EXOC4: variants seen among roughly 807,000 people sequenced by gnomAD.
EXOC4 encodes exocyst complex component 4.
EXOC4 carries 71 observed loss-of-function variants against 107.2 expected under a neutral mutation model. The ratio of observed to expected loss-of-function variants is 0.66; its 90% CI spans 0.55 to 0.81. The LOEUF (loss-of-function observed/expected upper bound fraction) is 0.81. Ranked by LOEUF, EXOC4 falls within the 30% of genes least tolerant of loss-of-function variation. The pLI is 0.00. For synonymous variants in EXOC4, 456 were observed against 441.2 expected (o/e 1.03, Z -0.42); for missense variants, 1,108 against 1,189.6 (o/e 0.93, Z 1.01).
In EXOC4 at chr7:133,896,844, T is replaced by TTTTTTTTTTTTTTTTTTTTG. The variant is rs1198817578; in HGVS notation, c.1871+1109_1871+1110insTTTTTTTTTTTTTTTTTTTG. ...CCATGTCTGGCTATTTTTGTATTTT[T>TTTTTTTTTTTTTTTTTTTTG]AGTAGAGATGGGGTTTCACCATGTT... is the stretch of plus-strand genomic sequence containing the variant. On this transcript the variant is annotated intron_variant, in intron 12 of 17. Coordinates refer to ENST00000253861, the MANE Select transcript of EXOC4 (RefSeq NM_021807.4). Among the ~76,000 whole-genome samples, 72 of 87,648 alleles carry TTTTTTTTTTTTTTTTTTTTG rather than the reference T, an allele frequency of 8.2e-4. 5 individuals carry two copies. Among genetic ancestry groups the TTTTTTTTTTTTTTTTTTTTG allele is most frequent in the Middle Eastern group, 5.7e-3 (1 of 174 alleles). The allele number at this position is 87,648 out of a possible 152,430, so 57.5% of individuals were successfully genotyped here.
intron 10 of EXOC4, among the ~76,000 whole-genome samples, chr7:133,669,703 A>T (rs1024930401): frequency 2.6e-5 from 4 of 152,210 alleles, no homozygotes; most frequent in Non-Finnish European, 5.9e-5. Context: ...ATTTGGGGTA[A>T]GAGATGGTGT....
At chr7:134,034,271 AGAG>A (rs1405409568) in intron 17 of EXOC4, among the ~76,000 whole-genome samples, 2 of 152,350 alleles carry the variant, frequency 1.3e-5, no homozygotes, top group East Asian at 1.9e-4. Context: ...AAGTAGTACA[AGAG>A]AAAGGAAAGG....
intron 3 of EXOC4, among the ~76,000 whole-genome samples, chr7:133,300,484 G>A (rs1481117751): frequency 1.3e-5 from 2 of 152,006 alleles, no homozygotes; most frequent in African/African-American, 2.4e-5. Flanking sequence ...TCCCTTTCAC[G>A]TCCCATACTC....
At chr7:133,628,738 C>T (rs1422013171) in intron 9 of EXOC4, among the ~76,000 whole-genome samples, 1 of 152,158 alleles carries the variant, frequency 6.6e-6, no homozygotes, top group African/African-American at 2.4e-5. Flanking sequence ...TTGGGTTACT[C>T]CTTGCACCAT....
chr7:133,565,465 A>T (rs1179518823), intron 9 of EXOC4, among the ~76,000 whole-genome samples: 1 of 152,174 alleles, frequency 6.6e-6, no homozygotes, highest in African/African-American at 2.4e-5. Flanking sequence ...GAGGCCCCAG[A>T]GTTGTTTAGA....
At chr7:133,584,513 C>T (rs775916301) in intron 9 of EXOC4, among the ~76,000 whole-genome samples, 3 of 147,112 alleles carry the variant, frequency 2.0e-5, no homozygotes, top group African/African-American at 7.5e-5. Flanking sequence ...TAGATCTGCC[C>T]TTTCTTATTT....
In EXOC4 at chr7:134,058,657, T is replaced by C. The variant is rs530297017; in HGVS notation, c.2688-5634T>C. 5.7e-4 allele frequency among the ~76,000 whole-genome samples: 51 copies of C among 88,738 alleles called. No homozygotes were observed. In the East Asian group the frequency reaches 0.02, roughly 35 times the overall value. 58.2% of individuals were successfully genotyped at this position (88,738 alleles called of 152,430 possible). A position where few individuals can be genotyped will look rare whatever the true frequency, so the allele number is the denominator to read the frequency against. On this transcript the variant is annotated intron_variant, in intron 17 of 17. Coordinates refer to ENST00000253861, the MANE Select transcript of EXOC4 (RefSeq NM_021807.4). Reference sequence around the variant, plus strand: ...TTTGAATCACCACAATACTGGCTCATTGCATTACAAAGAAAGAGCTGAGTA... The same window carrying C: ...TTTGAATCACCACAATACTGGCTCACTGCATTACAAAGAAAGAGCTGAGTA...
chr7:133,855,165 A>AAATATATATAT (rs1798347940), intron 11 of EXOC4, among the ~76,000 whole-genome samples: 7 of 136,630 alleles, frequency 5.1e-5, no homozygotes, highest in South Asian at 2.2e-4. Context: ...AAATATATAT[A>AAATATATATAT]TTTTTTTTAT....
At chr7:133,890,563 C>T (rs1265226290) in intron 11 of EXOC4, among the ~76,000 whole-genome samples, 2 of 139,554 alleles carry the variant, frequency 1.4e-5, no homozygotes, top group Admixed American at 7.0e-5. Flanking sequence ...TTAGGTCTAA[C>T]GTTTAAATCT....
At chr7:133,416,265 G>A (rs1797473179) in intron 7 of EXOC4, among the ~76,000 whole-genome samples, 1 of 152,132 alleles carries the variant, frequency 6.6e-6, no homozygotes, top group Non-Finnish European at 1.5e-5. Context: ...TTTGCCTTGT[G>A]CATCAAATTT....
At chr7:133,652,790 C>A (rs1803193808) in intron 10 of EXOC4, among the ~76,000 whole-genome samples, 2 of 152,196 alleles carry the variant, frequency 1.3e-5, no homozygotes, top group South Asian at 4.1e-4. Flanking sequence ...AAACTCTCAT[C>A]ATCATCATCA....
At chr7:133,461,062 A>G (rs1044473409) in intron 7 of EXOC4, among the ~76,000 whole-genome samples, 2 of 152,178 alleles carry the variant, frequency 1.3e-5, no homozygotes, top group Non-Finnish European at 2.9e-5. Flanking sequence ...CGCATGGGTT[A>G]GAGGCTGAAC....
intron 17 of EXOC4, among the ~76,000 whole-genome samples, chr7:134,055,037 T>TA (rs1795889725): frequency 6.6e-6 from 1 of 152,240 alleles, no homozygotes; most frequent in South Asian, 2.1e-4. Context: ...ATTTAGTTAA[T>TA]ACACCCTCAA....
At chr7:133,954,284 A>G (rs1800762976) in intron 14 of EXOC4, among the ~76,000 whole-genome samples, 1 of 152,238 alleles carries the variant, frequency 6.6e-6, no homozygotes. Context: ...TGGCAAAAGA[A>G]CTTGTCAAGG....
chr7:133,715,078 TG>T (rs1794972369), intron 10 of EXOC4, among the ~76,000 whole-genome samples: 1 of 152,210 alleles, frequency 6.6e-6, no homozygotes, highest in South Asian at 2.1e-4. Flanking sequence ...AGTTTTTTCC[TG>T]GGTTGTATAA....
At chr7:133,588,649 T>G (rs1801464035) in intron 9 of EXOC4, among the ~76,000 whole-genome samples, 1 of 152,068 alleles carries the variant, frequency 6.6e-6, no homozygotes, top group Admixed American at 6.6e-5. Flanking sequence ...TCGCAGCACT[T>G]TGGGAGGTGG....
intron 10 of EXOC4, among the ~76,000 whole-genome samples, chr7:133,645,253 G>A (rs1289294906): frequency 1.3e-5 from 2 of 151,876 alleles, no homozygotes; most frequent in East Asian, 1.9e-4. Context: ...CACCATGCCT[G>A]GCTAATTTTT....
At chr7:133,767,438 TATACACACACACAC>T (rs1796161583) in intron 10 of EXOC4, among the ~76,000 whole-genome samples, 2 of 151,906 alleles carry the variant, frequency 1.3e-5, no homozygotes, top group South Asian at 2.1e-4. Flanking sequence ...TGGCCTTTTA[TATACACACACACAC>T]ATACACACAC....
intron 10 of EXOC4, among the ~76,000 whole-genome samples, chr7:133,812,682 C>A (rs1797263300): frequency 6.6e-6 from 1 of 151,856 alleles, no homozygotes; most frequent in Non-Finnish European, 1.5e-5. Flanking sequence ...AATACATATA[C>A]GTTGTGGGAT....
Sources: allele counts gnomAD v4.1 joint callset (sites outside exome capture counted in the v4.1 genomes callset), GRCh38; gene constraint gnomAD v4.1.1; transcripts MANE v1.5; gene names NCBI Gene and HGNC (gene_info 2026-07-23, HGNC 2026-07-21).